The following MECOM variants were observed in gnomAD, a reference collection of about 807,000 sequenced individuals.
The protein encoded by MECOM is MDS1 and EVI1 complex locus.
A neutral mutation model predicts 116.3 loss-of-function variants in MECOM; 13 were observed. That is an observed-to-expected ratio of 0.11 (90% confidence interval 0.07 to 0.18). The LOEUF is 0.18. MECOM is among the 10% of genes least tolerant of loss of function. MECOM has a pLI of 1.00. For missense variants in MECOM, 1,299 were observed against 1,509.0 expected (o/e 0.86, Z 2.31); for synonymous variants, 528 against 535.2 (o/e 0.99, Z 0.19).
intron 1 of MECOM, among the ~76,000 whole-genome samples, chr3:169,599,342 C>T (rs1483593815): frequency 3.9e-5 from 6 of 151,960 alleles, no homozygotes; most frequent in Non-Finnish European, 7.4e-5. Flanking sequence ...GGTGAAACCC[C>T]ATCTCTACTT....
intron 2 of MECOM, among the ~76,000 whole-genome samples, chr3:169,171,218 A>G (rs1319683651): frequency 1.3e-5 from 2 of 152,164 alleles, no homozygotes; most frequent in Non-Finnish European, 2.9e-5. Flanking sequence ...GTAAGATGCT[A>G]TTGTCCTTTT....
intron 2 of MECOM, among the ~76,000 whole-genome samples, chr3:169,153,634 C>T (rs1741504217): frequency 1.3e-5 from 2 of 152,280 alleles, no homozygotes; most frequent in South Asian, 4.1e-4. Flanking sequence ...GCTTTAGATA[C>T]ACCATCTAAG....
intron 2 of MECOM, among the ~76,000 whole-genome samples, chr3:169,229,826 G>A (rs1753164161): frequency 6.6e-6 from 1 of 152,038 alleles, no homozygotes; most frequent in African/African-American, 2.4e-5. Flanking sequence ...AGTTTCATGG[G>A]TTATTTCTCT....
chr3:169,145,041 G>GA, intron 2 of MECOM: 1 of 1,551,460 alleles, frequency 6.4e-7, no homozygotes. Context: ...CTTTAGTCAA[G>GA]AAGCCCTATG....
At chr3:169,387,741 G>T (rs990434295) in intron 1 of MECOM, among the ~76,000 whole-genome samples, 4 of 151,958 alleles carry the variant, frequency 2.6e-5, no homozygotes, top group Non-Finnish European at 2.9e-5. Flanking sequence ...TCTGTGTGTA[G>T]GGGTGTGTGT....
Position 169,631,579 on chromosome 3 carries a change from T to G in MECOM, c.37+31757A>C, listed in dbSNP as rs530924108. Reference sequence around the variant, plus strand: ...GCACCCATTAACTCGTCATTTAGCATTAGGTATATCTCCTAAAGCTATCCC... The same window carrying G: ...GCACCCATTAACTCGTCATTTAGCAGTAGGTATATCTCCTAAAGCTATCCC... On this transcript the variant is annotated intron_variant, in intron 1 of 16. Coordinates refer to ENST00000651503, the MANE Select transcript of MECOM (RefSeq NM_004991.4). 3.5e-4 allele frequency among the ~76,000 whole-genome samples: 53 copies of G among 150,904 alleles called. 2 individuals carry two copies. The South Asian group carries it at 9.2e-3, about 26-fold the overall frequency.
chr3:169,157,909 T>A (rs1270867193), intron 2 of MECOM, among the ~76,000 whole-genome samples: 1 of 152,222 alleles, frequency 6.6e-6, no homozygotes, highest in Non-Finnish European at 1.5e-5. Flanking sequence ...TAATCTGGAC[T>A]GCCAATTTAT....
chr3:169,610,268 C>T (rs1224513414), intron 1 of MECOM, among the ~76,000 whole-genome samples: 1 of 152,080 alleles, frequency 6.6e-6, no homozygotes, highest in African/African-American at 2.4e-5. Context: ...ATACGATCTA[C>T]TAGGGTTGCC....
chr3:169,627,905 G>A (rs900360740), intron 1 of MECOM, among the ~76,000 whole-genome samples: 17 of 152,184 alleles, frequency 1.1e-4, no homozygotes, highest in African/African-American at 2.7e-4. Flanking sequence ...GATTTACACC[G>A]CAGATTTGAG....
At chr3:169,331,114 C>A (rs1252575607) in intron 2 of MECOM, among the ~76,000 whole-genome samples, 1 of 151,992 alleles carries the variant, frequency 6.6e-6, no homozygotes, top group Non-Finnish European at 1.5e-5. Flanking sequence ...GTACAAACAT[C>A]CTAACTATAC....
At chr3:169,200,816 C>T (rs1025600295) in intron 2 of MECOM, among the ~76,000 whole-genome samples, 1 of 152,194 alleles carries the variant, frequency 6.6e-6, no homozygotes, top group African/African-American at 2.4e-5. Context: ...TTGTTCTGTC[C>T]TCCCTCTACA....
At chr3:169,171,173 G>A (rs1299282283) in intron 2 of MECOM, among the ~76,000 whole-genome samples, 1 of 152,114 alleles carries the variant, frequency 6.6e-6, no homozygotes, top group Non-Finnish European at 1.5e-5. Context: ...TTGTGGCAAA[G>A]AAACAATAAT....
At chr3:169,277,353 T>G (rs1759730972) in intron 2 of MECOM, among the ~76,000 whole-genome samples, 1 of 152,112 alleles carries the variant, frequency 6.6e-6, no homozygotes, top group Non-Finnish European at 1.5e-5. Flanking sequence ...AAGAAAAACT[T>G]AAGAGAGAAA....
At chr3:169,428,903 G>C (rs890776356) in intron 1 of MECOM, among the ~76,000 whole-genome samples, 1 of 152,042 alleles carries the variant, frequency 6.6e-6, no homozygotes, top group Non-Finnish European at 1.5e-5. Flanking sequence ...ATAAAAGAAA[G>C]GTGCAAAGAA....
chr3:169,524,827 A>G (rs12485268), intron 1 of MECOM, among the ~76,000 whole-genome samples: 2,998 of 152,320 alleles, frequency 0.02, 33 homozygotes, highest in Middle Eastern at 0.037. Flanking sequence ...ATCCTTGTGA[A>G]TACTGTCAGA....
intron 1 of MECOM, among the ~76,000 whole-genome samples, chr3:169,656,451 T>C (rs1385382045): frequency 6.6e-6 from 1 of 152,138 alleles, no homozygotes. Context: ...AATTCAAGAA[T>C]GAGTGCTTTT....
At chr3:169,170,638 C>T (rs1339022380) in intron 2 of MECOM, among the ~76,000 whole-genome samples, 1 of 151,992 alleles carries the variant, frequency 6.6e-6, no homozygotes, top group African/African-American at 2.4e-5. Context: ...ACATTATGAG[C>T]CAGTTTCTCT....
At chr3:169,193,678 T>C (rs564694571) in intron 2 of MECOM, among the ~76,000 whole-genome samples, 10 of 152,108 alleles carry the variant, frequency 6.6e-5, no homozygotes, top group Non-Finnish European at 1.5e-4. Context: ...AATATTTAAT[T>C]CTCAAGGATG....
At chr3:169,385,841 C>T (rs1262145943) in intron 1 of MECOM, among the ~76,000 whole-genome samples, 4 of 152,066 alleles carry the variant, frequency 2.6e-5, no homozygotes, top group East Asian at 1.9e-4. Flanking sequence ...AGATTGGGCA[C>T]GTTTACAATA....
Sources: gnomAD v4.1 joint callset for allele counts (sites outside exome capture counted in the v4.1 genomes callset) on GRCh38, gnomAD v4.1.1 for gene constraint, MANE v1.5 for transcripts, NCBI Gene and HGNC (gene_info 2026-07-23, HGNC 2026-07-21) for gene names.